Variants in DLG2 observed in about 807,000 individuals in gnomAD.
DLG2 encodes disks large homolog 2.
DLG2 carries 45 observed loss-of-function variants against 132.5 expected under a neutral mutation model. The observed-to-expected ratio is 0.34, with a 90% confidence interval of 0.27 to 0.44. The LOEUF is 0.44. DLG2 is among the 20% of genes least tolerant of loss of function. The probability of loss-of-function intolerance (pLI) is 1.00; values close to 1 mark genes in which losing one functional copy is unlikely to be tolerated. For missense variants in DLG2, 1,045 were observed against 1,196.9 expected (o/e 0.87, Z 1.87); for synonymous variants, 424 against 419.6 (o/e 1.01, Z -0.13).
chr11:85,151,709 T>A (rs944228076), intron 5 of DLG2, among the ~76,000 whole-genome samples: 3 of 152,192 alleles, frequency 2.0e-5, no homozygotes, highest in African/African-American at 7.2e-5. Context: ...TGCAAGGGTC[T>A]ATTTCTGGGA....
chr11:84,690,949 C>A (rs1170648551), intron 6 of DLG2, among the ~76,000 whole-genome samples: 3 of 151,794 alleles, frequency 2.0e-5, no homozygotes, highest in South Asian at 2.1e-4. Flanking sequence ...TATAAGAATT[C>A]TTATAACATT....
chr11:84,801,862 G>T (rs1362911192), intron 6 of DLG2, among the ~76,000 whole-genome samples: 1 of 152,080 alleles, frequency 6.6e-6, no homozygotes, highest in East Asian at 1.9e-4. Context: ...GTTTCTAATT[G>T]GGGACAAATT....
chr11:85,512,916 C>T (rs1346224755), intron 3 of DLG2, among the ~76,000 whole-genome samples: 1 of 152,066 alleles, frequency 6.6e-6, no homozygotes, highest in Non-Finnish European at 1.5e-5. Flanking sequence ...GCACTATTCA[C>T]AACAGCAAAA....
intron 6 of DLG2, among the ~76,000 whole-genome samples, chr11:84,631,361 A>G (rs2099631859): frequency 6.6e-6 from 1 of 152,162 alleles, no homozygotes; most frequent in Non-Finnish European, 1.5e-5. Flanking sequence ...TGGTCATAAG[A>G]TAATAAAATT....
chr11:83,641,996 A>C (rs1390964807), intron 18 of DLG2, among the ~76,000 whole-genome samples: 1 of 152,080 alleles, frequency 6.6e-6, no homozygotes, highest in Non-Finnish European at 1.5e-5. Flanking sequence ...ATTCATCAGA[A>C]TCCAACTTAA....
chr11:85,601,653 A>G (rs1002214174), intron 2 of DLG2, among the ~76,000 whole-genome samples: 3 of 152,080 alleles, frequency 2.0e-5, no homozygotes, highest in Admixed American at 2.0e-4. Context: ...CATTTTTGAA[A>G]TGGCTGTATT....
At chr11:84,619,539 AAAAG>A (rs1417186451) in intron 6 of DLG2, among the ~76,000 whole-genome samples, 1 of 151,706 alleles carries the variant, frequency 6.6e-6, no homozygotes, top group African/African-American at 2.4e-5. Flanking sequence ...AAGAAAGAAA[AAAAG>A]AGAAAATGAC....
intron 6 of DLG2, among the ~76,000 whole-genome samples, chr11:85,031,511 G>C (rs542318093): frequency 3.3e-5 from 5 of 151,816 alleles, no homozygotes; most frequent in African/African-American, 1.2e-4. Context: ...CTTTGCTTTT[G>C]TTATATTCTT....
intron 11 of DLG2, among the ~76,000 whole-genome samples, chr11:84,029,038 T>C (rs2095619284): frequency 6.6e-6 from 1 of 152,130 alleles, no homozygotes; most frequent in African/African-American, 2.4e-5. Context: ...TGTTATAAAG[T>C]AAGTAAATCT....
chr11:84,531,129 A>C (rs2099338302), intron 7 of DLG2, among the ~76,000 whole-genome samples: 1 of 152,180 alleles, frequency 6.6e-6, no homozygotes, highest in Admixed American at 6.5e-5. Flanking sequence ...AAAGAAAAGA[A>C]AAAAAAGAAA....
intron 3 of DLG2, among the ~76,000 whole-genome samples, chr11:85,587,601 A>C (rs1192995186): frequency 6.6e-6 from 1 of 152,088 alleles, no homozygotes; most frequent in Non-Finnish European, 1.5e-5. Context: ...CGTTAAGTGA[A>C]TCTCTTGAAG....
intron 6 of DLG2, among the ~76,000 whole-genome samples, chr11:84,830,308 T>C (rs1160182730): frequency 6.6e-6 from 1 of 151,238 alleles, no homozygotes; most frequent in Non-Finnish European, 1.5e-5. Context: ...GTAGGGGGTC[T>C]CTACCTTTTA....
chr11:83,857,317 T>A (rs906053958), intron 16 of DLG2, among the ~76,000 whole-genome samples: 1 of 152,192 alleles, frequency 6.6e-6, no homozygotes, highest in Non-Finnish European at 1.5e-5. Context: ...TTTGGTTCCA[T>A]ATGATTTTAA....
At chr11:84,985,623 C>T (rs958173629) in intron 6 of DLG2, among the ~76,000 whole-genome samples, 2 of 151,912 alleles carry the variant, frequency 1.3e-5, no homozygotes, top group Non-Finnish European at 2.9e-5. Flanking sequence ...AGGAAATAAC[C>T]AAGATCCGAG....
intron 7 of DLG2, among the ~76,000 whole-genome samples, chr11:84,418,723 G>C (rs2098938325): frequency 6.6e-6 from 1 of 152,064 alleles, no homozygotes; most frequent in African/African-American, 2.4e-5. Flanking sequence ...GCAACTGTTA[G>C]TTCCCTCCTC....
intron 3 of DLG2, among the ~76,000 whole-genome samples, chr11:85,508,925 T>C (rs2093995902): frequency 6.6e-6 from 1 of 152,112 alleles, no homozygotes; most frequent in Non-Finnish European, 1.5e-5. Flanking sequence ...ATACATATAT[T>C]GACTATGTTG....
At chr11:84,514,313 C>T (rs1265012607) in intron 7 of DLG2, among the ~76,000 whole-genome samples, 2 of 152,014 alleles carry the variant, frequency 1.3e-5, no homozygotes, top group East Asian at 1.9e-4. Flanking sequence ...AATACAGCTA[C>T]CACACGATCT....
chr11:85,334,558 T>C (rs1270935260), intron 3 of DLG2, among the ~76,000 whole-genome samples: 1 of 152,210 alleles, frequency 6.6e-6, no homozygotes, highest in Admixed American at 6.5e-5. Flanking sequence ...CTTGTTAACA[T>C]GGGCTTTTAG....
chr11:85,498,722 C>T (rs569117984), intron 3 of DLG2, among the ~76,000 whole-genome samples: 3 of 152,274 alleles, frequency 2.0e-5, no homozygotes, highest in South Asian at 2.1e-4. Context: ...GGAATCACAA[C>T]AAACTGTCTC....
Sources: allele counts gnomAD v4.1 joint callset (sites outside exome capture counted in the v4.1 genomes callset), GRCh38; gene constraint gnomAD v4.1.1; transcripts MANE v1.5; gene names NCBI Gene and HGNC (gene_info 2026-07-23, HGNC 2026-07-21).